The following COL28A1 variants were observed in gnomAD, a reference collection of about 807,000 sequenced individuals.
COL28A1 encodes the protein collagen alpha-1(XXVIII) chain.
COL28A1 carries 161 observed loss-of-function variants against 150.2 expected under a neutral mutation model. The ratio of observed to expected loss-of-function variants is 1.07; its 90% CI spans 0.94 to 1.22. The LOEUF (loss-of-function observed/expected upper bound fraction) is 1.22, where lower values mean the gene tolerates loss of function less well. COL28A1 is among the 50% of genes most tolerant of loss of function. The probability of loss-of-function intolerance (pLI) is 0.00; values close to 1 mark genes in which losing one functional copy is unlikely to be tolerated. For synonymous variants in COL28A1, 552 were observed against 469.7 expected, an observed-to-expected ratio of 1.18 and a Z score of -2.26; for missense variants, 1,617 against 1,388.3, an observed-to-expected ratio of 1.16 and a Z score of -2.62.
intron 8 of COL28A1, among the ~76,000 whole-genome samples, chr7:7,513,125 T>C (rs1434088933): frequency 2.6e-5 from 4 of 152,242 alleles, no homozygotes; most frequent in African/African-American, 9.6e-5. Flanking sequence ...TCAACAGCAG[T>C]GCTCTATGGA....
At chr7:7,438,476 G>T (rs988100757) in intron 21 of COL28A1, among the ~76,000 whole-genome samples, 6 of 152,206 alleles carry the variant, frequency 3.9e-5, no homozygotes, top group Non-Finnish European at 7.3e-5. Context: ...AAACTCCAGA[G>T]ATTCTGATTC....
chr7:7,413,162 T>A (rs1352651210), intron 27 of COL28A1, among the ~76,000 whole-genome samples: 3 of 152,028 alleles, frequency 2.0e-5, no homozygotes, highest in African/African-American at 7.3e-5. Flanking sequence ...TGGATAGAGG[T>A]CACCAAATTA....
intron 27 of COL28A1, among the ~76,000 whole-genome samples, chr7:7,391,783 C>T (rs977588408): frequency 1.4e-5 from 2 of 143,590 alleles, no homozygotes; most frequent in African/African-American, 2.6e-5. Flanking sequence ...TTATCAGAGA[C>T]TAGGATTGCA....
At chr7:7,369,429 T>C (rs1781104308) in intron 33 of COL28A1, among the ~76,000 whole-genome samples, 1 of 152,234 alleles carries the variant, frequency 6.6e-6, no homozygotes, top group Admixed American at 6.5e-5. Flanking sequence ...GCTGAGTAAT[T>C]GGAACAGAAA....
At chr7:7,397,085 G>C (rs1313145749) in intron 27 of COL28A1, among the ~76,000 whole-genome samples, 1 of 152,182 alleles carries the variant, frequency 6.6e-6, no homozygotes, top group Non-Finnish European at 1.5e-5. Context: ...CATGAATTTA[G>C]TGGTATTCTC....
chr7:7,522,013 T>C, intron 4 of COL28A1, 52 bp from the exon 5 acceptor site: 1 of 840,654 alleles, frequency 1.2e-6, no homozygotes, highest in African/African-American at 1.6e-5. Flanking sequence ...TCAAATTGTA[T>C]GCAGCATTTC....
the COL28A1 span, among the ~76,000 whole-genome samples, chr7:7,338,941 G>A: frequency 6.6e-5 from 10 of 151,994 alleles, no homozygotes; most frequent in African/African-American, 1.7e-4. Context: ...CTAGCATGCT[G>A]GATTATGAGA....
chr7:7,522,159 C>G (rs1781762920), intron 4 of COL28A1, 198 bp from the exon 5 acceptor site: 2 of 629,596 alleles, frequency 3.2e-6, no homozygotes, highest in African/African-American at 1.8e-5. Context: ...GTTTTGCTCT[C>G]TCTATTAAAT....
chr7:7,474,503 G>T, intron 15 of COL28A1, 98 bp downstream of exon 15: 2 of 567,266 alleles, frequency 3.5e-6, no homozygotes, highest in Non-Finnish European at 6.2e-6. Flanking sequence ...TACCTGTGTG[G>T]CATGGTTGTC....
chr7:7,432,080 A>T (rs1269687039), intron 25 of COL28A1, among the ~76,000 whole-genome samples: 1 of 152,196 alleles, frequency 6.6e-6, no homozygotes, highest in Non-Finnish European at 1.5e-5. Context: ...AATTAGATAC[A>T]TGAGACCAGA....
At chr7:7,443,487 T>C (rs933323488) in intron 20 of COL28A1, 98 bp downstream of exon 20, 3 of 1,547,336 alleles carry the variant, frequency 1.9e-6, no homozygotes, top group African/African-American at 2.7e-5. Context: ...ATAAACACAT[T>C]GACATAGTAA....
At chr7:7,511,849 A>G (rs1240715147) in intron 8 of COL28A1, 1 of 468,380 alleles carries the variant, frequency 2.1e-6, no homozygotes, top group African/African-American at 2.0e-5. Flanking sequence ...ATATTGCTGA[A>G]AAAACAACAT....
In COL28A1 at chr7:7,473,863, AGT is replaced by A. The variant is rs377115314; in HGVS notation, c.1302+736_1302+737del. On this transcript the variant is annotated intron_variant, in intron 15 of 34. Coordinates refer to ENST00000399429, the MANE Select transcript of COL28A1 (RefSeq NM_001037763.3). ...AGTGTGTGTGTTTGTTTATATATAT[AGT>A]GTGTGTTTATATATAGTGTGTGTTT... is the stretch of plus-strand genomic sequence containing the variant. 4.6e-3 allele frequency among the ~76,000 whole-genome samples: 689 copies of A among 151,306 alleles called. 4 individuals are homozygous for A. Among genetic ancestry groups the A allele is most frequent in the East Asian group, 0.022 (111 of 5,150 alleles).
intron 13 of COL28A1, among the ~76,000 whole-genome samples, chr7:7,484,311 G>A (rs910909629): frequency 6.6e-6 from 1 of 152,066 alleles, no homozygotes; most frequent in Admixed American, 6.6e-5. Flanking sequence ...AATCCAGACT[G>A]CACCAGCTAA....
chr7:7,381,300 G>A (rs1781859401), intron 28 of COL28A1, among the ~76,000 whole-genome samples: 1 of 152,034 alleles, frequency 6.6e-6, no homozygotes, highest in Non-Finnish European at 1.5e-5. Context: ...GCTCAAGCTG[G>A]TCTTGAACTC....
intron 31 of COL28A1, among the ~76,000 whole-genome samples, chr7:7,374,040 T>A (rs13312186): frequency 0.058 from 6,293 of 109,278 alleles, 197 homozygotes; most frequent in African/African-American, 0.14. Context: ...AAAAAAAAAA[T>A]ATATATATAT....
chr7:7,463,483 C>T (rs988032077), intron 15 of COL28A1, among the ~76,000 whole-genome samples: 1 of 152,122 alleles, frequency 6.6e-6, no homozygotes, highest in African/African-American at 2.4e-5. Flanking sequence ...TCAGCAGAAA[C>T]TCTACAAGCT....
intron 25 of COL28A1, among the ~76,000 whole-genome samples, chr7:7,426,037 A>G (rs1457742490): frequency 2.6e-5 from 4 of 152,142 alleles, no homozygotes; most frequent in Admixed American, 2.0e-4. Context: ...ACTCTTTGAG[A>G]AGAAGGTGGA....
intron 11 of COL28A1, among the ~76,000 whole-genome samples, chr7:7,494,964 GGT>G (rs1189416329): frequency 6.6e-6 from 1 of 152,090 alleles, no homozygotes; most frequent in Non-Finnish European, 1.5e-5. Context: ...GGCTTAAAAT[GGT>G]GTTAAATATT....
Sources: allele counts gnomAD v4.1 joint callset (sites outside exome capture counted in the v4.1 genomes callset), GRCh38; gene constraint gnomAD v4.1.1; transcripts MANE v1.5; gene names NCBI Gene and HGNC (gene_info 2026-07-23, HGNC 2026-07-21).